HHAT: variants seen among roughly 807,000 people sequenced by gnomAD.
HHAT encodes the protein hedgehog acyltransferase.
Under a neutral mutation model 70.8 loss-of-function variants are expected in HHAT, and 47 were observed. The ratio of observed to expected loss-of-function variants is 0.66; its 90% CI spans 0.53 to 0.85. The LOEUF (loss-of-function observed/expected upper bound fraction) is 0.85, where lower values mean the gene tolerates loss of function less well. Ranked by LOEUF, HHAT falls within the 40% of genes least tolerant of loss-of-function variation. The probability of loss-of-function intolerance (pLI) is 0.00; values close to 1 mark genes in which losing one functional copy is unlikely to be tolerated. For synonymous variants in HHAT, 228 were observed against 247.6 expected, an observed-to-expected ratio of 0.92 and a Z score of 0.74; for missense variants, 609 against 604.8, an observed-to-expected ratio of 1.01 and a Z score of -0.07.
chr1:210,585,542 C>T (rs1660246157), intron 9 of HHAT, among the ~76,000 whole-genome samples: 1 of 152,088 alleles, frequency 6.6e-6, no homozygotes, highest in Non-Finnish European at 1.5e-5. Flanking sequence ...CCTCAGCCTT[C>T]CAAGTAGCTG....
intron 3 of HHAT, among the ~76,000 whole-genome samples, chr1:210,371,453 T>C (rs1020821353): frequency 1.2e-4 from 18 of 152,190 alleles, no homozygotes; most frequent in African/African-American, 4.1e-4. Flanking sequence ...CCTGGCCTAA[T>C]CCATGGGTTT....
chr1:210,663,826 C>T (rs1036967135), intron 11 of HHAT, among the ~76,000 whole-genome samples: 1 of 152,220 alleles, frequency 6.6e-6, no homozygotes. Context: ...TTCAGCCTGT[C>T]CTCCAGGTGA....
chr1:210,550,442 C>G (rs777961017), intron 9 of HHAT, among the ~76,000 whole-genome samples: 11 of 149,008 alleles, frequency 7.4e-5, no homozygotes, highest in Non-Finnish European at 1.3e-4. Flanking sequence ...GTTTCCTCAA[C>G]TGTAAAATGG....
intron 9 of HHAT, among the ~76,000 whole-genome samples, chr1:210,539,253 G>C (rs547281671): frequency 1.3e-5 from 2 of 152,142 alleles, no homozygotes; most frequent in East Asian, 3.8e-4. Flanking sequence ...AAAAACAGTG[G>C]AACAAGGCCT....
At position 210,559,846 on chromosome 1, in the gene HHAT, A is replaced by AGT. The variant is rs936243426; in HGVS notation, c.1044-28049_1044-28048dup. Among the ~76,000 whole-genome samples, 71 of 152,324 alleles carry AGT rather than the reference A, an allele frequency of 4.7e-4. 1 individual carries two copies. The highest frequency in any genetic ancestry group is 1.6e-3 in the African/African-American group (66 of 41,564). ...TTTTTGTGTGTGACATTATTGAAAC[A>AGT]GTGTATCAGACTCTATTATCTGAGA... On this transcript the variant is annotated intron_variant, in intron 9 of 11. Coordinates refer to ENST00000261458, the MANE Select transcript of HHAT (RefSeq NM_018194.6).
At chr1:210,393,489 ATGT>A (rs1252824407) in intron 4 of HHAT, among the ~76,000 whole-genome samples, 1 of 152,104 alleles carries the variant, frequency 6.6e-6, no homozygotes, top group Non-Finnish European at 1.5e-5. Flanking sequence ...TCTGTACCTG[ATGT>A]TGTTGGCTGG....
At chr1:210,642,910 C>A (rs1673251715) in intron 11 of HHAT, among the ~76,000 whole-genome samples, 1 of 152,292 alleles carries the variant, frequency 6.6e-6, no homozygotes, top group Non-Finnish European at 1.5e-5. Context: ...TTAGGAAATA[C>A]TTGCTTACCC....
At chr1:210,420,917 T>A (rs1413390959) in intron 7 of HHAT, among the ~76,000 whole-genome samples, 1 of 152,190 alleles carries the variant, frequency 6.6e-6, no homozygotes, top group Non-Finnish European at 1.5e-5. Flanking sequence ...TTCAAATATA[T>A]ATGTATTCTG....
intron 6 of HHAT, among the ~76,000 whole-genome samples, chr1:210,407,686 G>A (rs1404054606): frequency 6.6e-6 from 1 of 152,166 alleles, no homozygotes; most frequent in African/African-American, 2.4e-5. Context: ...TTAGGAACAT[G>A]GGCCTGATTT....
At chr1:210,353,341 A>AT (rs977429711) in intron 2 of HHAT, among the ~76,000 whole-genome samples, 6 of 151,084 alleles carry the variant, frequency 4.0e-5, no homozygotes, top group African/African-American at 1.5e-4. Context: ...GATGCCATAT[A>AT]TTTTTCTGGC....
chr1:210,549,028 T>G (rs1281609116), intron 9 of HHAT, among the ~76,000 whole-genome samples: 1 of 152,232 alleles, frequency 6.6e-6, no homozygotes, highest in Non-Finnish European at 1.5e-5. Context: ...TTCTGGAGCC[T>G]GGCTCCCAGC....
intron 9 of HHAT, among the ~76,000 whole-genome samples, chr1:210,569,338 C>CA (rs563084326): frequency 8.3e-4 from 107 of 128,738 alleles, no homozygotes; most frequent in Non-Finnish European, 1.4e-3. Flanking sequence ...TGTGCCACTG[C>CA]ACTCCAGCTC....
At chr1:210,438,430 G>C (rs952615120) in intron 7 of HHAT, among the ~76,000 whole-genome samples, 1 of 151,776 alleles carries the variant, frequency 6.6e-6, no homozygotes, top group Non-Finnish European at 1.5e-5. Context: ...TGGATGAGTG[G>C]CATAAGGTAG....
intron 8 of HHAT, among the ~76,000 whole-genome samples, chr1:210,512,524 T>A (rs1322781968): frequency 6.6e-6 from 1 of 151,422 alleles, no homozygotes; most frequent in Non-Finnish European, 1.5e-5. Flanking sequence ...AATTAAATAT[T>A]AGCCAGGCGT....
intron 11 of HHAT, among the ~76,000 whole-genome samples, chr1:210,625,430 G>GA (rs1669656268): frequency 6.6e-6 from 1 of 152,150 alleles, no homozygotes; most frequent in East Asian, 1.9e-4. Flanking sequence ...GCGAGGCACT[G>GA]AGAACACAGA....
At chr1:210,463,744 C>T (rs1214169245) in intron 7 of HHAT, among the ~76,000 whole-genome samples, 1 of 151,942 alleles carries the variant, frequency 6.6e-6, no homozygotes, top group African/African-American at 2.4e-5. Flanking sequence ...TTTTCCAAAG[C>T]AGCTGCCTCG....
intron 5 of HHAT, 31 bp downstream of exon 5, chr1:210,400,693 C>A: frequency 6.3e-7 from 1 of 1,587,322 alleles, no homozygotes; most frequent in South Asian, 1.2e-5. Flanking sequence ...ATTGGGAATC[C>A]AGAGAAGGCC....
intron 8 of HHAT, among the ~76,000 whole-genome samples, chr1:210,477,471 C>G (rs1231828586): frequency 6.6e-6 from 1 of 152,124 alleles, no homozygotes; most frequent in African/African-American, 2.4e-5. Context: ...AGGCATCCTT[C>G]TGTGGATTTT....
intron 11 of HHAT, among the ~76,000 whole-genome samples, chr1:210,624,847 CCCAGTGACACAGT>C (rs1321370258): frequency 1.3e-5 from 2 of 152,230 alleles, no homozygotes. Flanking sequence ...CTGTTCCCTG[CCCAGTGACACAGT>C]CTTGTGCTTT....
Sources: gnomAD v4.1 joint callset for allele counts (sites outside exome capture counted in the v4.1 genomes callset) on GRCh38, gnomAD v4.1.1 for gene constraint, MANE v1.5 for transcripts, NCBI Gene and HGNC (gene_info 2026-07-23, HGNC 2026-07-21) for gene names.